The following VAT1L variants were observed in gnomAD, a reference collection of about 807,000 sequenced individuals.
The protein encoded by VAT1L is putative NADPH-dependent quinone oxidoreductase VAT1L.
In VAT1L, 34 loss-of-function variants were observed where a neutral mutation model predicts 44.1. The observed-to-expected ratio is 0.77, with a 90% CI of 0.59 to 1.03. VAT1L has a LOEUF of 1.03. VAT1L is among the 50% of genes least tolerant of loss of function. The pLI is 0.00. For synonymous variants in VAT1L, 253 were observed against 202.2 expected (o/e 1.25, Z -2.13); for missense variants, 615 against 538.8 (o/e 1.14, Z -1.40).
intron 7 of VAT1L, among the ~76,000 whole-genome samples, chr16:77,962,146 G>A (rs1011582947): frequency 6.6e-6 from 1 of 152,012 alleles, no homozygotes; most frequent in African/African-American, 2.4e-5. Flanking sequence ...ACATCTGCAG[G>A]GCCCTGGGCA....
intron 7 of VAT1L, among the ~76,000 whole-genome samples, chr16:77,966,334 G>A (rs55968160): frequency 3.0e-4 from 45 of 152,228 alleles, no homozygotes; most frequent in Non-Finnish European, 6.0e-4. Flanking sequence ...GTGCTTGGGC[G>A]AGACTGTGAG....
intron 4 of VAT1L, among the ~76,000 whole-genome samples, chr16:77,874,507 C>T (rs1437757991): frequency 6.6e-6 from 1 of 152,144 alleles, no homozygotes; most frequent in African/African-American, 2.4e-5. Flanking sequence ...TCCAGCCACA[C>T]TGGCTGCTTC....
intron 3 of VAT1L, among the ~76,000 whole-genome samples, chr16:77,853,838 T>G (rs1249251831): frequency 6.6e-6 from 1 of 152,026 alleles, no homozygotes; most frequent in East Asian, 1.9e-4. Flanking sequence ...CCTACTTCTT[T>G]TGGGGATTAA....
At chr16:77,869,387 C>A (rs911576016) in intron 4 of VAT1L, among the ~76,000 whole-genome samples, 1 of 152,192 alleles carries the variant, frequency 6.6e-6, no homozygotes. Context: ...CAAAGCCACT[C>A]CCTTAGGCTG....
Position 77,960,501 on chromosome 16 carries a change from G to C in VAT1L, c.1078-11349G>C, listed in dbSNP as rs117899449. ...TAACAGATTGCACAGAGAAAGCTAG[G>C]ACCTTGCAGGAGCTGTAGTTGTGAA... On this transcript the variant is annotated intron_variant, in intron 7 of 8. Coordinates refer to ENST00000302536, the MANE Select transcript of VAT1L (RefSeq NM_020927.3). 9.8e-3 allele frequency among the ~76,000 whole-genome samples: 1,496 copies of C among 152,270 alleles called. 12 individuals are homozygous for C. The highest frequency in any genetic ancestry group is 0.015 in the Non-Finnish European group (995 of 68,004).
chr16:77,790,069 A>C (rs2145199933), intron 1 of VAT1L, among the ~76,000 whole-genome samples: 1 of 152,260 alleles, frequency 6.6e-6, no homozygotes, highest in Admixed American at 6.5e-5. Context: ...TAGATCAGAA[A>C]CCCAATATCT....
chr16:77,931,977 G>T lies in VAT1L; in HGVS notation c.1078-39873G>T, dbSNP rs192303599. Among the ~76,000 whole-genome samples the T allele has an allele frequency of 1.8e-4, 28 of 152,130 alleles. No homozygotes were observed. In the East Asian group the frequency reaches 5.0e-3, roughly 27 times the overall value. On this transcript the variant is annotated intron_variant, in intron 7 of 8. Coordinates refer to ENST00000302536, the MANE Select transcript of VAT1L (RefSeq NM_020927.3). ...GTTTTACCACTAAGGGAGTAGACAT[G>T]TATTATTTTGCCTTGGATTTTCATT...
intron 7 of VAT1L, among the ~76,000 whole-genome samples, chr16:77,916,051 A>G (rs1276577614): frequency 6.6e-6 from 1 of 152,242 alleles, no homozygotes; most frequent in Non-Finnish European, 1.5e-5. Context: ...GGAATGCGGA[A>G]CATTAATTCC....
At chr16:77,936,522 T>C (rs1297515790) in intron 7 of VAT1L, among the ~76,000 whole-genome samples, 2 of 152,042 alleles carry the variant, frequency 1.3e-5, no homozygotes, top group Admixed American at 1.3e-4. Context: ...CCTTGTCACA[T>C]GGCCACGAAA....
chr16:77,844,793 G>C (rs923356552), intron 3 of VAT1L, among the ~76,000 whole-genome samples: 1 of 151,988 alleles, frequency 6.6e-6, no homozygotes, highest in African/African-American at 2.4e-5. Flanking sequence ...AGGATACTGG[G>C]GATGGCTATA....
rs184259087 is a variant in VAT1L at position 77,894,702 on chromosome 16, T to C, written c.1077+9900T>C. On this transcript the variant is annotated intron_variant, in intron 7 of 8. Transcript: ENST00000302536. ...TCATACATTTTAAGTGGGTGAATTG[T>C]ATAGCATATGAATTATATATAAAGC... 2.3e-3 allele frequency among the ~76,000 whole-genome samples: 346 copies of C among 152,298 alleles called. 4 individuals are homozygous for C. Among genetic ancestry groups the C allele is most frequent in the African/African-American group, 7.8e-3 (326 of 41,558 alleles).
At chr16:77,971,992 C>A in intron 8 of VAT1L, 59 bp downstream of exon 8, 1 of 1,512,634 alleles carries the variant, frequency 6.6e-7, no homozygotes, top group East Asian at 2.3e-5. Flanking sequence ...ACGGGTCAAT[C>A]AGATGCAGAC....
At chr16:77,950,455 C>CACACACAG (rs1567519674) in intron 7 of VAT1L, among the ~76,000 whole-genome samples, 2 of 142,978 alleles carry the variant, frequency 1.4e-5, no homozygotes, top group African/African-American at 2.6e-5. Context: ...CACACACACA[C>CACACACAG]AGTTATAATG....
chr16:77,820,656 C>G (rs928027457), intron 2 of VAT1L, among the ~76,000 whole-genome samples: 6 of 152,090 alleles, frequency 3.9e-5, no homozygotes, highest in Admixed American at 2.0e-4. Flanking sequence ...GAACTGGAAG[C>G]CTTCTGCTTC....
intron 2 of VAT1L, among the ~76,000 whole-genome samples, chr16:77,818,181 T>C (rs568345191): frequency 1.3e-5 from 2 of 152,272 alleles, no homozygotes; most frequent in African/African-American, 4.8e-5. Context: ...AGAAGAATCC[T>C]ATAAAATGCA....
intron 7 of VAT1L, among the ~76,000 whole-genome samples, chr16:77,885,396 C>T (rs557125676): frequency 3.2e-4 from 48 of 152,250 alleles, no homozygotes; most frequent in Admixed American, 2.9e-3. Flanking sequence ...GAAGCATGAA[C>T]TGGTTGTATT....
intron 7 of VAT1L, among the ~76,000 whole-genome samples, chr16:77,918,631 A>T (rs911980496): frequency 5.9e-5 from 9 of 152,102 alleles, no homozygotes; most frequent in African/African-American, 2.2e-4. Flanking sequence ...TGTAAGGAGG[A>T]TGGAAAAATA....
chr16:77,908,946 TG>T (rs1337051896), intron 7 of VAT1L, among the ~76,000 whole-genome samples: 1 of 149,688 alleles, frequency 6.7e-6, no homozygotes, highest in Non-Finnish European at 1.5e-5. Context: ...AAAAGGAGAG[TG>T]GAATTGAGTA....
At chr16:77,848,982 G>C (rs1597065446) in intron 3 of VAT1L, among the ~76,000 whole-genome samples, 1 of 152,148 alleles carries the variant, frequency 6.6e-6, no homozygotes, top group Non-Finnish European at 1.5e-5. Context: ...TAAGTGGGTG[G>C]TGAACAATGA....
Sources: allele counts gnomAD v4.1 joint callset (sites outside exome capture counted in the v4.1 genomes callset), GRCh38; gene constraint gnomAD v4.1.1; transcripts MANE v1.5; gene names NCBI Gene and HGNC (gene_info 2026-07-23, HGNC 2026-07-21).